RIMS2: variants seen among roughly 807,000 people sequenced by gnomAD.
The protein encoded by RIMS2 is regulating synaptic membrane exocytosis 2.
RIMS2 carries 59 observed loss-of-function variants against 174.4 expected under a neutral mutation model. The observed-to-expected ratio is 0.34, with a 90% CI of 0.27 to 0.42. The LOEUF (loss-of-function observed/expected upper bound fraction) is 0.42. Among genes scored for constraint, RIMS2 ranks in the 10% least tolerant of loss-of-function variants. RIMS2 has a pLI of 1.00. For missense variants in RIMS2, 1,620 were observed against 1,666.3 expected, an observed-to-expected ratio of 0.97 and a Z score of 0.48; for synonymous variants, 606 against 572.5, an observed-to-expected ratio of 1.06 and a Z score of -0.84.
At chr8:104,075,779 G>A (rs2097277287) in intron 19 of RIMS2, among the ~76,000 whole-genome samples, 2 of 152,174 alleles carry the variant, frequency 1.3e-5, no homozygotes, top group African/African-American at 4.8e-5. Flanking sequence ...TTACTTGGAA[G>A]TATTCTTAAA....
intron 19 of RIMS2, among the ~76,000 whole-genome samples, chr8:104,142,157 G>A (rs1046652107): frequency 3.2e-5 from 4 of 126,822 alleles, no homozygotes; most frequent in Admixed American, 9.2e-5. Flanking sequence ...ACAGAGTTTC[G>A]CTCTTGTTGC....
intron 1 of RIMS2, among the ~76,000 whole-genome samples, chr8:103,544,420 G>A (rs1051017384): frequency 1.3e-5 from 2 of 152,256 alleles, no homozygotes; most frequent in African/African-American, 4.8e-5. Flanking sequence ...CTGGTAGCCA[G>A]GCAGGCAGTC....
At chr8:103,843,984 G>C (rs542790725) in intron 3 of RIMS2, among the ~76,000 whole-genome samples, 79 of 152,262 alleles carry the variant, frequency 5.2e-4, no homozygotes, top group African/African-American at 1.7e-3. Context: ...ATGTTCTCAT[G>C]ATAGCAAATA....
intron 3 of RIMS2, among the ~76,000 whole-genome samples, chr8:103,786,585 ATGAGATTCTTAATCC>A (rs1251262283): frequency 6.6e-6 from 1 of 152,080 alleles, no homozygotes; most frequent in Admixed American, 6.6e-5. Context: ...GCGGTTTTGA[ATGAGATTCTTAATCC>A]TGAGTTCTAG....
intron 1 of RIMS2, among the ~76,000 whole-genome samples, chr8:103,560,564 A>G (rs1284654134): frequency 6.6e-6 from 1 of 152,214 alleles, no homozygotes; most frequent in Non-Finnish European, 1.5e-5. Flanking sequence ...ACATTTAACT[A>G]TGCTTACTCA....
intron 22 of RIMS2, 125 bp from the exon 29 acceptor site, chr8:104,250,899 T>A: frequency 1.3e-6 from 1 of 782,658 alleles, no homozygotes; most frequent in Non-Finnish European, 2.1e-6. Flanking sequence ...AGAATGCAGC[T>A]AGGCCAGTGG....
intron 3 of RIMS2, among the ~76,000 whole-genome samples, chr8:103,780,795 T>A (rs1049100712): frequency 6.6e-6 from 1 of 152,158 alleles, no homozygotes; most frequent in African/African-American, 2.4e-5. Flanking sequence ...TATTGCTTCT[T>A]GGGGATGTCT....
chr8:103,829,094 T>A lies in RIMS2; in HGVS notation c.699-56204T>A, dbSNP rs201525954. 9.8e-3 allele frequency among the ~76,000 whole-genome samples: 1,492 copies of A among 151,758 alleles called. 22 individuals are homozygous for A. The highest frequency in any genetic ancestry group is 0.05 in the South Asian group (239 of 4,800). ...TGTGAATTTAATAATAGGTTTTTTT[T>A]TTTTTTTTTGCTAATTTGGTGCAAA... On this transcript the variant is annotated intron_variant, in intron 3 of 23. Coordinates refer to ENST00000504942, the Ensembl canonical transcript of RIMS2.
intron 17 of RIMS2, among the ~76,000 whole-genome samples, chr8:103,996,170 A>G (rs2095082281): frequency 6.6e-6 from 1 of 151,932 alleles, no homozygotes; most frequent in African/African-American, 2.4e-5. Flanking sequence ...TATGACAGGT[A>G]AAAATGAGGC....
intron 2 of RIMS2, among the ~76,000 whole-genome samples, chr8:103,717,323 A>C (rs369118039): frequency 2.0e-5 from 3 of 146,484 alleles, no homozygotes; most frequent in Non-Finnish European, 4.5e-5. Flanking sequence ...AAAAAAAAAA[A>C]CCTGTAGGAA....
intron 19 of RIMS2, among the ~76,000 whole-genome samples, chr8:104,182,699 C>T (rs1162582462): frequency 6.6e-6 from 1 of 151,746 alleles, no homozygotes; most frequent in African/African-American, 2.4e-5. Flanking sequence ...TCAGTTCACA[C>T]CAGCAACATT....
At chr8:103,587,644 G>A (rs1218949562) in intron 1 of RIMS2, among the ~76,000 whole-genome samples, 2 of 151,826 alleles carry the variant, frequency 1.3e-5, no homozygotes, top group Non-Finnish European at 2.9e-5. Context: ...CATATCAAGA[G>A]AATAAAGGAT....
intron 2 of RIMS2, among the ~76,000 whole-genome samples, chr8:103,744,468 TA>T (rs2139456799): frequency 6.6e-6 from 1 of 152,378 alleles, no homozygotes; most frequent in South Asian, 2.1e-4. Flanking sequence ...TGTATGGCTT[TA>T]TTTTTTTTAA....
At chr8:104,046,740 G>T (rs2096703049) in intron 19 of RIMS2, among the ~76,000 whole-genome samples, 1 of 151,952 alleles carries the variant, frequency 6.6e-6, no homozygotes, top group African/African-American at 2.4e-5. Flanking sequence ...CAAAGACAGA[G>T]ATACTCATGA....
At position 104,122,476 on chromosome 8, in the gene RIMS2, A is replaced by G. The variant is rs16870987; in HGVS notation, c.3334+107861A>G. Reference sequence around the variant, plus strand: ...CCCTCTTGACCTGAACATAGGAAGCAAAGGGAAAGAAAGAAATAGCAATGA... The same window carrying G: ...CCCTCTTGACCTGAACATAGGAAGCGAAGGGAAAGAAAGAAATAGCAATGA... On this transcript the variant is annotated intron_variant, in intron 19 of 23. Transcript: ENST00000504942. Among the ~76,000 whole-genome samples, 158 of 152,296 alleles carry G rather than the reference A, an allele frequency of 1.0e-3. 1 individual carries two copies. The East Asian group carries it at 0.021, about 20-fold the overall frequency.
At chr8:104,089,473 T>C (rs1282767186) in intron 19 of RIMS2, among the ~76,000 whole-genome samples, 2 of 151,902 alleles carry the variant, frequency 1.3e-5, no homozygotes, top group Non-Finnish European at 2.9e-5. Flanking sequence ...GTTGTATATG[T>C]GAATATGTTA....
At chr8:103,550,840 T>C (rs1277803442) in intron 1 of RIMS2, among the ~76,000 whole-genome samples, 1 of 151,866 alleles carries the variant, frequency 6.6e-6, no homozygotes, top group Non-Finnish European at 1.5e-5. Context: ...TCTGCGCAAA[T>C]AAAGTAGAAA....
At chr8:103,762,840 A>C (rs2098126596) in intron 2 of RIMS2, among the ~76,000 whole-genome samples, 1 of 152,208 alleles carries the variant, frequency 6.6e-6, no homozygotes, top group Non-Finnish European at 1.5e-5. Context: ...TAGGCTACAA[A>C]CCTGTACAAC....
chr8:104,180,566 C>G (rs2098934084), intron 19 of RIMS2, among the ~76,000 whole-genome samples: 1 of 151,522 alleles, frequency 6.6e-6, no homozygotes, highest in African/African-American at 2.4e-5. Flanking sequence ...GCAATTTTTT[C>G]CTTCCCAACC....
Sources: gnomAD v4.1 joint callset for allele counts (sites outside exome capture counted in the v4.1 genomes callset) on GRCh38, gnomAD v4.1.1 for gene constraint, MANE v1.5 for transcripts, NCBI Gene and HGNC (gene_info 2026-07-23, HGNC 2026-07-21) for gene names.